CSNK1G3: variants seen among roughly 807,000 people sequenced by gnomAD.
CSNK1G3 encodes casein kinase 1 gamma 3.
Under a neutral mutation model 64.3 loss-of-function variants are expected in CSNK1G3, and 23 were observed. The ratio of observed to expected loss-of-function variants is 0.36; its 90% CI spans 0.26 to 0.51. CSNK1G3 has a LOEUF of 0.51. Ranked by LOEUF, CSNK1G3 falls within the 20% of genes least tolerant of loss-of-function variation. CSNK1G3 has a pLI of 0.96. For synonymous variants in CSNK1G3, 158 were observed against 162.2 expected (o/e 0.97, Z 0.20); for missense variants, 357 against 510.5 (o/e 0.70, Z 2.90).
intron 10 of CSNK1G3, among the ~76,000 whole-genome samples, chr5:123,603,114 C>T (rs1223708812): frequency 5.9e-5 from 9 of 151,996 alleles, no homozygotes; most frequent in South Asian, 4.1e-4. Flanking sequence ...AATGAGGCAC[C>T]GAGCAAAGTG....
chr5:123,552,227 C>G (rs1489488234), intron 2 of CSNK1G3, among the ~76,000 whole-genome samples: 2 of 150,894 alleles, frequency 1.3e-5, no homozygotes, highest in Non-Finnish European at 3.0e-5. Flanking sequence ...TCACTGCAAC[C>G]TCTGCCTCCT....
intron 1 of CSNK1G3, among the ~76,000 whole-genome samples, chr5:123,543,357 T>C (rs1267627810): frequency 6.6e-6 from 1 of 152,150 alleles, no homozygotes; most frequent in African/African-American, 2.4e-5. Context: ...CTGCTATGAC[T>C]GAATAGGAAC....
intron 11 of CSNK1G3, 107 bp downstream of exon 12, chr5:123,604,937 G>A (rs745829592): frequency 1.9e-5 from 15 of 779,998 alleles, no homozygotes; most frequent in Non-Finnish European, 2.9e-5. Flanking sequence ...TCAGGGAATA[G>A]GTGCATGCAA....
intron 10 of CSNK1G3, among the ~76,000 whole-genome samples, chr5:123,593,613 A>G (rs190450524): frequency 6.6e-6 from 1 of 152,134 alleles, no homozygotes; most frequent in East Asian, 1.9e-4. Context: ...CATCATTTTT[A>G]TTCTTTGATC....
At chr5:123,566,093 C>A (rs1786816678) in intron 4 of CSNK1G3, among the ~76,000 whole-genome samples, 1 of 152,088 alleles carries the variant, frequency 6.6e-6, no homozygotes, top group Non-Finnish European at 1.5e-5. Context: ...TAATACTTAC[C>A]TGTAAGGAAC....
At chr5:123,532,695 A>G (rs1037708423) in intron 1 of CSNK1G3, among the ~76,000 whole-genome samples, 15 of 152,018 alleles carry the variant, frequency 9.9e-5, no homozygotes, top group African/African-American at 3.4e-4. Context: ...GAGGCACTTA[A>G]TACTTTGTAC....
At chr5:123,531,955 AT>A (rs1780007045) in intron 1 of CSNK1G3, among the ~76,000 whole-genome samples, 1 of 151,776 alleles carries the variant, frequency 6.6e-6, no homozygotes. Flanking sequence ...TTCAAGATGC[AT>A]TTTTCCATTC....
intron 1 of CSNK1G3, among the ~76,000 whole-genome samples, chr5:123,537,193 C>G (rs889038524): frequency 6.6e-6 from 1 of 151,952 alleles, no homozygotes; most frequent in Non-Finnish European, 1.5e-5. Context: ...ACCTAAGTGC[C>G]CATCAAAGGA....
intron 3 of CSNK1G3, among the ~76,000 whole-genome samples, chr5:123,555,154 A>G (rs1467273263): frequency 6.6e-6 from 1 of 152,216 alleles, no homozygotes; most frequent in Non-Finnish European, 1.5e-5. Flanking sequence ...AAGCACAATG[A>G]TCAGCATTAC....
At chr5:123,546,755 C>T (rs574728558) in intron 2 of CSNK1G3, among the ~76,000 whole-genome samples, 6 of 152,092 alleles carry the variant, frequency 3.9e-5, no homozygotes, top group African/African-American at 1.4e-4. Context: ...TTTATGTATT[C>T]AACTACTTCT....
chr5:123,525,547 G>C (rs888740945), intron 1 of CSNK1G3, among the ~76,000 whole-genome samples: 1 of 151,828 alleles, frequency 6.6e-6, no homozygotes, highest in African/African-American at 2.4e-5. Flanking sequence ...TGCCCACCTC[G>C]GCCTCCCAAA....
chr5:123,595,267 C>T (rs1793207119), intron 10 of CSNK1G3, 133 bp downstream of exon 11: 1 of 785,094 alleles, frequency 1.3e-6, no homozygotes, highest in Admixed American at 3.3e-5. Context: ...TAATTCTATT[C>T]CTTTGTTATT....
chr5:123,569,358 CAA>C (rs1188444195), intron 4 of CSNK1G3, among the ~76,000 whole-genome samples: 1 of 152,146 alleles, frequency 6.6e-6, no homozygotes, highest in Non-Finnish European at 1.5e-5. Context: ...CAAAATTTGA[CAA>C]GTGGTCATTT....
rs66645709 is a variant in CSNK1G3, at chr5:123,542,849, AGTGTGTGTGTGTGTGTGTGT to A, written c.-247-2549_-247-2530del. Among the ~76,000 whole-genome samples, 4 of 134,904 alleles carry A rather than the reference AGTGTGTGTGTGTGTGTGTGT, an allele frequency of 3.0e-5. No individual in the cohort carries two copies. In the East Asian group the frequency reaches 6.6e-4, roughly 22 times the overall value. 88.5% of individuals were successfully genotyped at this position (134,904 alleles called of 152,430 possible). A position where few individuals can be genotyped will look rare whatever the true frequency, so the allele number is the denominator to read the frequency against. On this transcript the variant is annotated intron_variant, in intron 1 of 12. Coordinates refer to ENST00000345990, the Ensembl canonical transcript of CSNK1G3. ...AGCAGTTTGTGATATGCCTAGATTT[AGTGTGTGTGTGTGTGTGTGT>A]GTGTGTGTGTGTGTGTGTTTACCAA...
intron 12 of CSNK1G3, 27 bp from the exon 14 acceptor site, chr5:123,614,315 T>G: frequency 6.2e-7 from 1 of 1,601,912 alleles, no homozygotes; most frequent in Non-Finnish European, 8.5e-7. Context: ...GCTTTTAAAA[T>G]AAAAAGAGTG....
At chr5:123,513,309 A>C (rs994612739) in intron 1 of CSNK1G3, among the ~76,000 whole-genome samples, 4 of 151,962 alleles carry the variant, frequency 2.6e-5, no homozygotes, top group African/African-American at 9.7e-5. Flanking sequence ...CAGCAGGATG[A>C]GGAGGGAGAT....
chr5:123,606,949 G>A (rs1375487610), intron 12 of CSNK1G3, among the ~76,000 whole-genome samples: 2 of 152,154 alleles, frequency 1.3e-5, no homozygotes, highest in African/African-American at 2.4e-5. Flanking sequence ...TTAAAAAATG[G>A]TTAGAGCTTG....
chr5:123,538,304 A>G (rs1781158984), intron 1 of CSNK1G3, among the ~76,000 whole-genome samples: 1 of 152,078 alleles, frequency 6.6e-6, no homozygotes, highest in South Asian at 2.1e-4. Context: ...CACTTTTTTG[A>G]GAGTTCCAGT....
At chr5:123,597,521 TG>T (rs1793657599) in intron 10 of CSNK1G3, among the ~76,000 whole-genome samples, 1 of 152,112 alleles carries the variant, frequency 6.6e-6, no homozygotes, top group Non-Finnish European at 1.5e-5. Context: ...TTGCTGTCAG[TG>T]AAGCACTGAA....
Sources: allele counts gnomAD v4.1 joint callset (sites outside exome capture counted in the v4.1 genomes callset), GRCh38; gene constraint gnomAD v4.1.1; transcripts MANE v1.5; gene names NCBI Gene and HGNC (gene_info 2026-07-23, HGNC 2026-07-21).